Variants in KIR3DL1 observed in about 807,000 individuals in gnomAD.
The protein encoded by KIR3DL1 is killer cell immunoglobulin-like receptor 3DL1.
Under a neutral mutation model 40.3 loss-of-function variants are expected in KIR3DL1, and 50 were observed. That is an observed-to-expected ratio of 1.24 (90% CI 0.99 to 1.57). KIR3DL1 has a LOEUF of 1.57. Among genes scored for constraint, KIR3DL1 ranks in the 40% most tolerant of loss-of-function variants. KIR3DL1 has a pLI of 0.00. For synonymous variants in KIR3DL1, 257 were observed against 207.2 expected (o/e 1.24, Z -2.07); for missense variants, 661 against 559.9 (o/e 1.18, Z -1.82).
chr19:54,821,703 G>C, exon 5 of KIR3DL1: 1 of 1,609,412 alleles, frequency 6.2e-7, no homozygotes, highest in Non-Finnish European at 8.5e-7. Flanking sequence ...CATGAACGTA[G>C]GCTCCCTGCA....
At chr19:54,827,814 G>A (rs1313769469) in intron 6 of KIR3DL1, among the ~76,000 whole-genome samples, 2 of 150,442 alleles carry the variant, frequency 1.3e-5, no homozygotes, top group African/African-American at 2.5e-5. Context: ...GTGAAAGCCC[G>A]CTGAATCCTC....
At chr19:54,817,472 G>T (rs2061408543) in intron 1 of KIR3DL1, 62 bp from the exon 2 acceptor site, 9 of 1,333,692 alleles carry the variant, frequency 6.7e-6, no homozygotes, top group Admixed American at 1.7e-5. Flanking sequence ...CAGCCCAGTG[G>T]GGGCAGCAGG....
At position 54,830,039 on chromosome 19, in the gene KIR3DL1, C is replaced by G. The variant is rs2984230; in HGVS notation, c.1158+59C>G. Reference sequence around the variant, plus strand: ...GTTATTCCCAAACAGTCCTGGAAAACGTGAGCACCCTCCCTCACTCAGCAT... The same window carrying G: ...GTTATTCCCAAACAGTCCTGGAAAAGGTGAGCACCCTCCCTCACTCAGCAT... On this transcript the variant is annotated intron_variant, in intron 8 of 8. Coordinates refer to ENST00000391728, the Ensembl canonical transcript of KIR3DL1. 4.0e-6 allele frequency: 6 copies of G among 1,496,654 alleles called. 2 individuals carry two copies. The highest frequency in any genetic ancestry group is 3.0e-5 in the African/African-American group (2 of 67,556). 92.7% of individuals were successfully genotyped at this position (1,496,654 alleles called of 1,614,324 possible). A position where few individuals can be genotyped will look rare whatever the true frequency, so the allele number is the denominator to read the frequency against.
chr19:54,816,572 G>A (rs1468163960), intron 1 of KIR3DL1, 38 bp downstream of exon 1: 2 of 1,607,398 alleles, frequency 1.2e-6, no homozygotes, highest in Non-Finnish European at 1.7e-6. Context: ...GGAGTGCGGG[G>A]ATGGAGATCT....
chr19:54,818,671 G>C, intron 3 of KIR3DL1, 72 bp downstream of exon 3: 1 of 1,502,582 alleles, frequency 6.7e-7, no homozygotes, highest in Non-Finnish European at 9.0e-7. Context: ...GGGGGTGTCC[G>C]TCAGGGTCCC....
chr19:54,819,225 C>T (rs1298247597), intron 3 of KIR3DL1, among the ~76,000 whole-genome samples: 1 of 133,670 alleles, frequency 7.5e-6, no homozygotes, highest in Non-Finnish European at 1.7e-5. Flanking sequence ...GCAGCAGCAA[C>T]AGGAAACCAA....
intron 5 of KIR3DL1, among the ~76,000 whole-genome samples, chr19:54,822,430 C>A (rs1256978251): frequency 1.3e-5 from 2 of 150,254 alleles, no homozygotes; most frequent in Admixed American, 6.6e-5. Flanking sequence ...CTCGAGATCA[C>A]CCTGGCCAAC....
At chr19:54,816,659 T>A in intron 1 of KIR3DL1, 125 bp downstream of exon 1, 18 of 1,377,870 alleles carry the variant, frequency 1.3e-5, no homozygotes, top group South Asian at 3.6e-5. Flanking sequence ...GAAGTGGAGA[T>A]CTGGGCCTGG....
chr19:54,817,413 G>C lies in KIR3DL1; in HGVS notation c.35-121G>C. ...TTGTTCCTGGGGGCAGGTAGGCAGCGAGGGTGAGTTTACCTTCAGCCCAGC... is the reference window on the plus strand; with the variant it reads ...TTGTTCCTGGGGGCAGGTAGGCAGCCAGGGTGAGTTTACCTTCAGCCCAGC... On this transcript the variant is annotated intron_variant, in intron 1 of 8. Transcript: ENST00000391728. The C allele has an allele frequency of 6.0e-6, 5 of 839,318 alleles. 1 individual carries two copies. In the South Asian group the frequency reaches 6.7e-5, roughly 11 times the overall value. The allele number at this position is 839,318 out of a possible 1,614,324, so 52.0% of individuals were successfully genotyped here.
intron 6 of KIR3DL1, among the ~76,000 whole-genome samples, chr19:54,828,546 T>C (rs1355987221): frequency 1.3e-5 from 2 of 151,050 alleles, no homozygotes; most frequent in Admixed American, 1.3e-4. Context: ...TCGAGACATG[T>C]GGAGTCACCC....
Position 54,819,869 on chromosome 19 carries a change from T to A in KIR3DL1, c.512T>A (p.Ile171Asn), listed in dbSNP as rs201947055. The A allele has an allele frequency of 4.7e-5, 75 of 1,612,168 alleles. 1 individual carries two copies. The African/African-American group carries it at 9.7e-4, about 21-fold the overall frequency. ...GACCCCTCACGCCTCGTTGGACAGA[T>A]CCATGATGGGGTCTCCAAGGCCAAT... Residue 171 changes from isoleucine to asparagine, a missense_variant, in exon 4 of 9, where the codon ATC (isoleucine) becomes AAC (asparagine). Physicochemically the swap from Ile to Asn is moderately radical, Grantham distance 149. Coordinates refer to ENST00000391728, the Ensembl canonical transcript of KIR3DL1.
exon 9 of KIR3DL1, chr19:54,830,187 A>G: frequency 6.6e-7 from 1 of 1,524,560 alleles, no homozygotes; most frequent in Non-Finnish European, 8.9e-7. Flanking sequence ...CGCCCTTCTC[A>G]GAGGCCCAAG....
intron 3 of KIR3DL1, among the ~76,000 whole-genome samples, chr19:54,818,977 G>A (rs138862541): frequency 0.013 from 1,962 of 150,794 alleles, 104 homozygotes; most frequent in African/African-American, 0.046. Flanking sequence ...TGTAGTGGGA[G>A]GGAGACGCTA....
At chr19:54,818,631 T>C (rs1305886450) in intron 3 of KIR3DL1, 32 bp downstream of exon 3, 1 of 1,590,082 alleles carries the variant, frequency 6.3e-7, no homozygotes, top group Non-Finnish European at 8.5e-7. Flanking sequence ...CTTCTCACTG[T>C]CCCACCTCCT....
At chr19:54,820,293 G>A (rs2061570672) in intron 4 of KIR3DL1, among the ~76,000 whole-genome samples, 3 of 151,494 alleles carry the variant, frequency 2.0e-5, no homozygotes, top group Admixed American at 1.3e-4. Flanking sequence ...AGAGAGAGGT[G>A]TCCTTCCATG....
chr19:54,818,198 G>T, intron 2 of KIR3DL1, 117 bp from the exon 3 acceptor site: 1 of 1,112,118 alleles, frequency 9.0e-7, no homozygotes. Context: ...TGTAGCCCTG[G>T]GCACCCAGGT....
At chr19:54,816,902 G>A (rs1346074878) in intron 1 of KIR3DL1, among the ~76,000 whole-genome samples, 2 of 132,626 alleles carry the variant, frequency 1.5e-5, no homozygotes, top group East Asian at 4.8e-4. Flanking sequence ...GGGCCTGGAG[G>A]TGGAGTTATG....
intron 2 of KIR3DL1, 142 bp from the exon 3 acceptor site, chr19:54,818,173 A>T: frequency 1.4e-6 from 1 of 736,852 alleles, no homozygotes. Context: ...AAGTCTATGC[A>T]GGATGGGTCC....
chr19:54,821,923 CTGA>C, intron 5 of KIR3DL1, 65 bp downstream of exon 5: 1 of 1,526,352 alleles, frequency 6.6e-7, no homozygotes, highest in Non-Finnish European at 8.9e-7. Flanking sequence ...GAGCTTCCTG[CTGA>C]TGATGGAGAA....
Sources: allele counts gnomAD v4.1 joint callset (sites outside exome capture counted in the v4.1 genomes callset), GRCh38; gene constraint gnomAD v4.1.1; transcripts MANE v1.5; gene names NCBI Gene and HGNC (gene_info 2026-07-23, HGNC 2026-07-21).